The following SAMD12 variants were observed in gnomAD, a reference collection of about 807,000 sequenced individuals.
SAMD12 encodes the protein sterile alpha motif domain containing 12, also known as sterile alpha motif domain-containing protein 12.
Under a neutral mutation model 15.0 loss-of-function variants are expected in SAMD12, and 9 were observed. The observed-to-expected ratio is 0.60, with a 90% confidence interval of 0.36 to 1.05. The LOEUF (loss-of-function observed/expected upper bound fraction) is 1.05, where lower values mean the gene tolerates loss of function less well. Ranked by LOEUF, SAMD12 falls within the 50% of genes least tolerant of loss-of-function variation. The probability of loss-of-function intolerance (pLI) is 0.01; values close to 1 mark genes in which losing one functional copy is unlikely to be tolerated. For missense variants in SAMD12, 230 were observed against 234.2 expected (o/e 0.98, Z 0.12); for synonymous variants, 86 against 90.1 (o/e 0.96, Z 0.25).
the SAMD12 span, among the ~76,000 whole-genome samples, chr8:118,148,907 C>T: frequency 8.5e-5 from 13 of 152,258 alleles, no homozygotes; most frequent in Admixed American, 2.6e-4. Flanking sequence ...TACGGTTATA[C>T]GGCATTTTGC....
intron 4 of SAMD12, among the ~76,000 whole-genome samples, chr8:118,300,667 C>T (rs1347176434): frequency 6.6e-6 from 1 of 152,184 alleles, no homozygotes; most frequent in Non-Finnish European, 1.5e-5. Flanking sequence ...ATCAGTGGCT[C>T]AGCAATCAGT....
At chr8:118,517,005 A>C (rs1209530007) in intron 2 of SAMD12, among the ~76,000 whole-genome samples, 1 of 152,200 alleles carries the variant, frequency 6.6e-6, no homozygotes, top group Non-Finnish European at 1.5e-5. Context: ...TGCTATTTCT[A>C]CAAGTTCCAT....
At chr8:118,344,360 G>A (rs1434396758) in intron 4 of SAMD12, among the ~76,000 whole-genome samples, 1 of 152,212 alleles carries the variant, frequency 6.6e-6, no homozygotes, top group African/African-American at 2.4e-5. Flanking sequence ...AAGAATTACA[G>A]CTACCTTCTC....
chr8:118,522,046 C>G (rs1481185602), intron 2 of SAMD12, among the ~76,000 whole-genome samples: 1 of 152,068 alleles, frequency 6.6e-6, no homozygotes, highest in Non-Finnish European at 1.5e-5. Context: ...AATTTGTCCA[C>G]CATTCCCACA....
At chr8:118,615,992 G>T (rs1006174932) in intron 1 of SAMD12, among the ~76,000 whole-genome samples, 2 of 152,156 alleles carry the variant, frequency 1.3e-5, no homozygotes, top group Admixed American at 1.3e-4. Flanking sequence ...TTTCAATGAC[G>T]AACTTCTAGC....
chr8:118,519,518 T>C (rs1365046486), intron 2 of SAMD12, among the ~76,000 whole-genome samples: 1 of 152,240 alleles, frequency 6.6e-6, no homozygotes, highest in Non-Finnish European at 1.5e-5. Context: ...TGTAGTACAA[T>C]ATATCTACAT....
intron 2 of SAMD12, among the ~76,000 whole-genome samples, chr8:118,516,908 G>A (rs1043769415): frequency 2.0e-5 from 3 of 152,066 alleles, no homozygotes; most frequent in Non-Finnish European, 4.4e-5. Flanking sequence ...CAAAGTGCTG[G>A]GATTACAGGC....
chr8:118,234,710 C>CAA (rs10647591), intron 4 of SAMD12, among the ~76,000 whole-genome samples: 13,231 of 104,578 alleles, frequency 0.13, 1,266 homozygotes, highest in South Asian at 0.19. Context: ...GACTCCATCT[C>CAA]AAAAAAAAAA....
At chr8:118,311,833 C>T (rs985300859) in intron 4 of SAMD12, among the ~76,000 whole-genome samples, 24 of 152,104 alleles carry the variant, frequency 1.6e-4, no homozygotes, top group African/African-American at 5.8e-4. Context: ...TTTTTGATCA[C>T]GAAGGCTTTT....
At chr8:118,159,616 A>G in the SAMD12 span, among the ~76,000 whole-genome samples, 2 of 152,338 alleles carry the variant, frequency 1.3e-5, no homozygotes, top group East Asian at 1.9e-4. Context: ...TTCATGAAGC[A>G]TCAATAAAGT....
intron 3 of SAMD12, among the ~76,000 whole-genome samples, chr8:118,437,195 T>C (rs1822601895): frequency 6.6e-6 from 1 of 152,184 alleles, no homozygotes; most frequent in Admixed American, 6.5e-5. Flanking sequence ...CCGAAAGCTA[T>C]TTTCTGGCCA....
intron 2 of SAMD12, among the ~76,000 whole-genome samples, chr8:118,473,776 A>G (rs1041947287): frequency 2.0e-5 from 3 of 152,102 alleles, no homozygotes; most frequent in Non-Finnish European, 2.9e-5. Context: ...TAAGCTGCTT[A>G]TTCTATGAGG....
chr8:118,614,735 A>G (rs929891932), intron 1 of SAMD12, among the ~76,000 whole-genome samples: 6 of 152,236 alleles, frequency 3.9e-5, no homozygotes, highest in Non-Finnish European at 5.9e-5. Context: ...TGCTGAAGGC[A>G]GTGAGGTGGG....
chr8:118,332,822 A>C (rs1357589603), intron 4 of SAMD12, among the ~76,000 whole-genome samples: 5 of 152,218 alleles, frequency 3.3e-5, no homozygotes, highest in African/African-American at 1.2e-4. Context: ...CATTTCTTGA[A>C]TCTCACCACC....
At chr8:118,371,444 A>G (rs1819092063) in intron 4 of SAMD12, among the ~76,000 whole-genome samples, 1 of 152,058 alleles carries the variant, frequency 6.6e-6, no homozygotes. Flanking sequence ...AGGCTGGGAA[A>G]GATGGGAAAC....
Position 118,350,605 on chromosome 8 carries a change from T to C in SAMD12, c.433+28955A>G, listed in dbSNP as rs184290156. Among the ~76,000 whole-genome samples, 275 of 152,330 alleles carry C rather than the reference T, an allele frequency of 1.8e-3. 3 individuals carry two copies. The highest frequency in any genetic ancestry group is 6.5e-3 in the African/African-American group (272 of 41,578). ...AGCTTAATTATTACTAATACTCATT[T>C]AAAGGTCTGTTTGACAACCACAGTG... On this transcript the variant is annotated intron_variant, in intron 4 of 4. Coordinates refer to the SAMD12 transcript ENST00000409003.
chr8:118,278,894 T>A (rs143433102), intron 4 of SAMD12, among the ~76,000 whole-genome samples: 1 of 152,180 alleles, frequency 6.6e-6, no homozygotes, highest in Non-Finnish European at 1.5e-5. Context: ...TCATATAAGA[T>A]GTTGTCATAC....
intron 4 of SAMD12, among the ~76,000 whole-genome samples, chr8:118,269,840 T>C (rs1813302020): frequency 6.6e-6 from 1 of 152,176 alleles, no homozygotes; most frequent in Admixed American, 6.5e-5. Context: ...TAGTTGCAGA[T>C]GGAATCCATC....
intron 2 of SAMD12, among the ~76,000 whole-genome samples, chr8:118,450,287 C>T (rs1823039826): frequency 6.6e-6 from 1 of 152,188 alleles, no homozygotes; most frequent in African/African-American, 2.4e-5. Context: ...ACAAGACGTC[C>T]TGGCAGCCTG....
Sources: allele counts gnomAD v4.1 joint callset (sites outside exome capture counted in the v4.1 genomes callset), GRCh38; gene constraint gnomAD v4.1.1; transcripts MANE v1.5; gene names NCBI Gene and HGNC (gene_info 2026-07-23, HGNC 2026-07-21).